SGCZ: variants seen among roughly 807,000 people sequenced by gnomAD.
The protein encoded by SGCZ is sarcoglycan zeta.
In SGCZ, 40 loss-of-function variants were observed where a neutral mutation model predicts 41.3. The ratio of observed to expected loss-of-function variants is 0.97; its 90% CI spans 0.75 to 1.26. The LOEUF is 1.26. SGCZ is among the 50% of genes most tolerant of loss of function. The pLI is 0.00. For synonymous variants in SGCZ, 206 were observed against 137.5 expected, an observed-to-expected ratio of 1.50 and a Z score of -3.49; for missense variants, 552 against 369.8, an observed-to-expected ratio of 1.49 and a Z score of -4.04.
intron 1 of SGCZ, among the ~76,000 whole-genome samples, chr8:15,003,745 G>C (rs765328927): frequency 6.6e-6 from 1 of 152,136 alleles, no homozygotes; most frequent in Non-Finnish European, 1.5e-5. Context: ...AACTTCCAGA[G>C]TGGTTCCAGA....
intron 3 of SGCZ, among the ~76,000 whole-genome samples, chr8:14,310,340 A>AT (rs905559151): frequency 1.3e-5 from 2 of 151,978 alleles, no homozygotes; most frequent in Middle Eastern, 3.2e-3. Context: ...GTCTTTGGTA[A>AT]TTTTTTTGTT....
intron 1 of SGCZ, among the ~76,000 whole-genome samples, chr8:15,016,123 AG>A (rs1168545096): frequency 2.0e-5 from 3 of 152,140 alleles, no homozygotes; most frequent in Non-Finnish European, 4.4e-5. Context: ...ACATTAATCC[AG>A]GGACTCTATT....
intron 1 of SGCZ, among the ~76,000 whole-genome samples, chr8:14,664,202 G>A (rs559317130): frequency 6.6e-6 from 1 of 152,198 alleles, no homozygotes; most frequent in Admixed American, 6.5e-5. Context: ...TTTGAACTTA[G>A]AATTAAACAT....
chr8:14,121,596 T>G (rs1339197759), intron 5 of SGCZ, among the ~76,000 whole-genome samples: 1 of 152,102 alleles, frequency 6.6e-6, no homozygotes, highest in Non-Finnish European at 1.5e-5. Context: ...ATAATAGAAA[T>G]CAGGCCTAAC....
At chr8:14,417,266 G>A (rs1028890184) in intron 2 of SGCZ, among the ~76,000 whole-genome samples, 2 of 151,898 alleles carry the variant, frequency 1.3e-5, no homozygotes, top group East Asian at 3.9e-4. Context: ...CCAAAATGGA[G>A]CACACAGTCA....
intron 1 of SGCZ, among the ~76,000 whole-genome samples, chr8:14,801,724 A>G (rs1219898599): frequency 6.6e-6 from 1 of 152,216 alleles, no homozygotes; most frequent in Non-Finnish European, 1.5e-5. Context: ...GATCAAGATC[A>G]TGTGGTCAAC....
intron 1 of SGCZ, among the ~76,000 whole-genome samples, chr8:15,116,248 T>C (rs536586672): frequency 6.6e-5 from 10 of 152,290 alleles, no homozygotes; most frequent in African/African-American, 2.4e-4. Context: ...AGAACCAGAA[T>C]ATATACATTT....
chr8:14,306,013 G>A (rs1414071416), intron 3 of SGCZ, among the ~76,000 whole-genome samples: 1 of 152,126 alleles, frequency 6.6e-6, no homozygotes, highest in Non-Finnish European at 1.5e-5. Flanking sequence ...AGGTTATTCA[G>A]CCCCAGGTCA....
chr8:14,407,887 T>A (rs965681618), intron 2 of SGCZ, among the ~76,000 whole-genome samples: 1 of 152,196 alleles, frequency 6.6e-6, no homozygotes, highest in African/African-American at 2.4e-5. Flanking sequence ...ATGCTGGCTG[T>A]CAGGAGAAAA....
Position 14,550,086 on chromosome 8 carries a change from C to T in SGCZ, c.234+4646G>A, listed in dbSNP as rs143945933. Among the ~76,000 whole-genome samples the T allele has an allele frequency of 4.4e-4, 67 of 151,732 alleles. No homozygotes were observed. The East Asian group carries it at 0.012, about 28-fold the overall frequency. ...CTTGTGCAAATGTAATGACCAACAC[C>T]GACATACAAGAAAATTCGTAAGATC... On this transcript the variant is annotated intron_variant, in intron 2 of 7. Transcript: ENST00000382080.
chr8:15,217,649 G>A (rs1237178176), intron 1 of SGCZ, among the ~76,000 whole-genome samples: 19 of 152,032 alleles, frequency 1.2e-4, no homozygotes, highest in Non-Finnish European at 1.5e-5. Context: ...TTGTTTTCCT[G>A]ACTTGCATGC....
At chr8:14,637,542 G>A (rs1563170133) in intron 1 of SGCZ, among the ~76,000 whole-genome samples, 1 of 151,554 alleles carries the variant, frequency 6.6e-6, no homozygotes, top group Non-Finnish European at 1.5e-5. Flanking sequence ...TCAGTGTTTA[G>A]CTCCCACTTA....
At chr8:14,635,270 T>G (rs1806791528) in intron 1 of SGCZ, among the ~76,000 whole-genome samples, 1 of 151,960 alleles carries the variant, frequency 6.6e-6, no homozygotes, top group African/African-American at 2.4e-5. Context: ...TTGCTCAATC[T>G]GTTGTCTTTC....
At chr8:14,266,353 T>C (rs1283359712) in intron 3 of SGCZ, among the ~76,000 whole-genome samples, 3 of 152,138 alleles carry the variant, frequency 2.0e-5, no homozygotes, top group Non-Finnish European at 2.9e-5. Context: ...GGAATCAATA[T>C]GATGATAATA....
rs1384024981 is a variant in SGCZ, at chr8:14,726,314, ATATATATATC to A, written c.40-171398_40-171389del. Among the ~76,000 whole-genome samples the A allele has an allele frequency of 4.4e-3, 555 of 125,918 alleles. 14 individuals are homozygous for A. Among genetic ancestry groups the A allele is most frequent in the Non-Finnish European group, 5.0e-3 (311 of 62,468 alleles). The allele number at this position is 125,918 out of a possible 152,430, so 82.6% of individuals were successfully genotyped here. On this transcript the variant is annotated intron_variant, in intron 1 of 7. Transcript: ENST00000382080. ...TGTGTGTGTATATGTGTAAATACAT[ATATATATATC>A]TATATATATATATATATAAAATTAG... is the stretch of plus-strand genomic sequence containing the variant.
At chr8:15,140,240 G>C (rs968602469) in intron 1 of SGCZ, among the ~76,000 whole-genome samples, 5 of 152,136 alleles carry the variant, frequency 3.3e-5, no homozygotes, top group African/African-American at 1.2e-4. Flanking sequence ...GCCCAGGCCA[G>C]TCTCGGACTC....
chr8:14,288,816 C>A (rs1275487180), intron 3 of SGCZ, among the ~76,000 whole-genome samples: 1 of 151,998 alleles, frequency 6.6e-6, no homozygotes, highest in African/African-American at 2.4e-5. Flanking sequence ...AATTGATAAG[C>A]CATATTTTAC....
chr8:14,621,874 T>G (rs1190641698), intron 1 of SGCZ, among the ~76,000 whole-genome samples: 1 of 152,058 alleles, frequency 6.6e-6, no homozygotes, highest in East Asian at 1.9e-4. Flanking sequence ...ATAGACTAAG[T>G]GGAGTCTCTC....
At chr8:14,591,498 A>G (rs747351729) in intron 1 of SGCZ, among the ~76,000 whole-genome samples, 125 of 152,194 alleles carry the variant, frequency 8.2e-4, no homozygotes, top group Non-Finnish European at 1.5e-3. Context: ...CAAAACCTAG[A>G]AAAGATGTTT....
Sources: gnomAD v4.1 joint callset for allele counts (sites outside exome capture counted in the v4.1 genomes callset) on GRCh38, gnomAD v4.1.1 for gene constraint, MANE v1.5 for transcripts, NCBI Gene and HGNC (gene_info 2026-07-23, HGNC 2026-07-21) for gene names.